TAF7L: variants seen among roughly 807,000 people sequenced by gnomAD.
The protein encoded by TAF7L is transcription initiation factor TFIID subunit 7-like.
Under a neutral mutation model 30.2 loss-of-function variants are expected in TAF7L, and 6 were observed. The ratio of observed to expected loss-of-function variants is 0.20; its 90% CI spans 0.11 to 0.39. The LOEUF is 0.39. Among genes scored for constraint, TAF7L ranks in the 10% least tolerant of loss-of-function variants. The pLI is 1.00. For missense variants in TAF7L, 284 were observed against 277.1 expected (o/e 1.03, Z -0.18); for synonymous variants, 93 against 94.5 (o/e 0.98, Z 0.09).
chrX:101,283,668 G>C, intron 3 of TAF7L, 85 bp from the exon 4 acceptor site: 3 of 1,013,022 alleles, frequency 3.0e-6, no homozygotes, highest in Non-Finnish European at 4.1e-6. Context: ...ACTTATGTGG[G>C]ACAGATTAGT....
intron 3 of TAF7L, among the ~76,000 whole-genome samples, chrX:101,284,899 C>T (rs1002687370): frequency 4.5e-5 from 5 of 110,737 alleles, no homozygotes; most frequent in Non-Finnish European, 7.5e-5. Context: ...TATTTATTTA[C>T]ACATGCTCTT....
chrX:101,269,215 A>G lies in TAF7L; in HGVS notation c.1109T>C (p.Leu370Ser), dbSNP rs1476318966. 5.0e-6 allele frequency: 6 copies of G among 1,209,794 alleles called. No homozygotes were observed. Among genetic ancestry groups the G allele is most frequent in the Non-Finnish European group, 6.7e-6 (6 of 894,196 alleles). ...NEKLISLQEQ[L>S]QRFLKK is the part of the protein sequence containing the mutation. ...TCCTCACTTCTTCAGAAAACGCTGC[A>G]ACTGTTCCTGTAGGGAAATGAGCTG... is the stretch of plus-strand genomic sequence containing the variant. Residue 370 changes from leucine (L) to serine (S), a missense_variant, in exon 13 of 13, where the codon TTG (leucine) becomes TCG (serine). By Grantham distance (145) the Leu-to-Ser change is moderately radical. Coordinates refer to ENST00000356784, the MANE Select transcript of TAF7L (RefSeq NM_001168474.2).
At position 101,268,402 on chromosome X, in the gene TAF7L, G is replaced by A. The variant is rs1923859244; in HGVS notation, c.*791C>T. ...GTTCTTCCTAACCTTAACTGATGAG[G>A]GTTAGGAGGAGAAGGCTCAGAATAA... On this transcript the variant is annotated 3_prime_UTR_variant, in exon 13 of 13. Coordinates refer to ENST00000356784, the MANE Select transcript of TAF7L (RefSeq NM_001168474.2). 2 of 111,999 alleles carry A rather than the reference G, an allele frequency of 1.8e-5. No individual in the cohort carries two copies. The highest frequency in any genetic ancestry group is 9.5e-5 in the Admixed American group (1 of 10,508). The allele number at this position is 111,999 out of a possible 1,213,427, so 9.2% of individuals were successfully genotyped here. A position where few individuals can be genotyped will look rare whatever the true frequency, so the allele number is the denominator to read the frequency against.
intron 5 of TAF7L, among the ~76,000 whole-genome samples, chrX:101,282,029 G>A (rs764039681): frequency 1.8e-5 from 2 of 109,382 alleles, no homozygotes; most frequent in East Asian, 2.9e-4. Flanking sequence ...GGGATTACAG[G>A]TGCCCGCCAC....
In TAF7L at chrX:101,277,689, T is replaced by A. The variant is rs200099995; in HGVS notation, c.608A>T (p.Lys203Met). ...RWEVIAEDGT[K>M]EIESQGSIPG... Reference sequence around the variant, plus strand: ...GATGGAGCCTTGACTTTCTATTTCCTTGGTTCCATCTTCAGCAATGACTTC... The same window carrying A: ...GATGGAGCCTTGACTTTCTATTTCCATGGTTCCATCTTCAGCAATGACTTC... The change falls in exon 9 of 13, where the codon AAG (lysine) becomes ATG (methionine). Residue 203 changes from lysine to methionine, a missense_variant. Physicochemically the swap from Lys to Met is moderately conservative, Grantham distance 95. Transcript: ENST00000356784. 8.3e-7 allele frequency: 1 copy of A among 1,204,273 alleles called. No individual in the cohort carries two copies. Among genetic ancestry groups the A allele is most frequent in the Non-Finnish European group, 1.1e-6 (1 of 892,455 alleles).
chrX:101,286,159 C>T (rs188947874), intron 3 of TAF7L, among the ~76,000 whole-genome samples: 228 of 95,764 alleles, frequency 2.4e-3, no homozygotes, highest in African/African-American at 8.2e-3. Flanking sequence ...CCAGCCTGGG[C>T]GACAGAGCGA....
intron 9 of TAF7L, among the ~76,000 whole-genome samples, chrX:101,276,997 G>A (rs1924212974): frequency 9.5e-6 from 1 of 105,210 alleles, no homozygotes; most frequent in South Asian, 4.3e-4. Flanking sequence ...AAAGAAAAAA[G>A]AAAAATTAGC....
chrX:101,280,143 CA>C (rs1303156455), intron 6 of TAF7L, among the ~76,000 whole-genome samples: 1 of 109,284 alleles, frequency 9.2e-6, no homozygotes, highest in African/African-American at 3.3e-5. Flanking sequence ...TCAAAAAAAT[CA>C]ATATATTGTA....
At chrX:101,292,435 G>A (rs1459823457), upstream of TAF7L, among the ~76,000 whole-genome samples, 2 of 41,563 alleles carry the variant, frequency 4.8e-5, no homozygotes, top group Non-Finnish European at 7.5e-5. Context: ...GCGAAACTCC[G>A]TCAAAAAAAA....
In TAF7L at chrX:101,272,930, A is replaced by G. The variant is rs142438620; in HGVS notation, c.1086+2292T>C. 7.3e-5 allele frequency among the ~76,000 whole-genome samples: 8 copies of G among 109,745 alleles called. 1 individual carries two copies. The highest frequency in any genetic ancestry group is 2.7e-4 in the African/African-American group (8 of 30,136). ...CCCGAGCAGCTGGGACTACAGGCAT[A>G]CACCACCATGCCTGGCTAATTTTTG... is the stretch of plus-strand genomic sequence containing the variant. On this transcript the variant is annotated intron_variant, in intron 12 of 12. Coordinates refer to ENST00000356784, the MANE Select transcript of TAF7L (RefSeq NM_001168474.2).
In TAF7L at chrX:101,277,151, C is replaced by CAAA. The variant is rs35984328; in HGVS notation, c.691+452_691+454dup. ...TGGGCGACAGAGCGAGACTCTGTCT[C>CAAA]AAAAAAAAAAAAAAAAAAAAAAAAA... On this transcript the variant is annotated intron_variant, in intron 9 of 12. Coordinates refer to ENST00000356784, the MANE Select transcript of TAF7L (RefSeq NM_001168474.2). 3.4e-3 allele frequency among the ~76,000 whole-genome samples: 54 copies of CAAA among 16,023 alleles called. 1 individual carries two copies. Among genetic ancestry groups the CAAA allele is most frequent in the African/African-American group, 0.014 (48 of 3,547 alleles). 13.9% of individuals were successfully genotyped at this position (16,023 alleles called of 115,157 possible).
upstream of TAF7L, chrX:101,291,480 G>C (rs911866485): frequency 6.6e-6 from 1 of 151,579 alleles, no homozygotes; most frequent in African/African-American, 3.1e-5. Context: ...GGGAAGGCTC[G>C]AAAGGCGCGG....
At chrX:101,277,451 C>CAAA (rs368056727) in intron 9 of TAF7L, among the ~76,000 whole-genome samples, 155 bp downstream of exon 9, 2 of 40,409 alleles carry the variant, frequency 4.9e-5, no homozygotes, top group African/African-American at 2.0e-4. Context: ...GACTCCATCT[C>CAAA]AAAAAAAAAA....
chrX:101,284,850 T>C (rs934298652), intron 3 of TAF7L, among the ~76,000 whole-genome samples: 2 of 111,276 alleles, frequency 1.8e-5, no homozygotes, highest in African/African-American at 6.5e-5. Context: ...GCAGATAAAC[T>C]TGTGTGGAAA....
chrX:101,291,496 C>G (rs1287438115), upstream of TAF7L, among the ~76,000 whole-genome samples: 1 of 111,054 alleles, frequency 9.0e-6, no homozygotes, highest in Non-Finnish European at 1.9e-5. Context: ...CGCGGAGCGC[C>G]GAGGGGAGCG....
chrX:101,282,969 C>G (rs1337640178), intron 4 of TAF7L, among the ~76,000 whole-genome samples: 1 of 110,217 alleles, frequency 9.1e-6, no homozygotes, highest in Non-Finnish European at 1.9e-5. Context: ...ACTATGTTGC[C>G]CAGGTTGGTC....
chrX:101,277,644 G>C lies in TAF7L; in HGVS notation c.653C>G (p.Ser218Trp). 8.3e-7 allele frequency: 1 copy of C among 1,203,127 alleles called. No individual in the cohort carries two copies. Among genetic ancestry groups the C allele is most frequent in the Non-Finnish European group, 1.1e-6 (1 of 892,458 alleles). ...QGSIPGFLIS[S>W]GMSSHKQGHT... ...ACCCTGCTTGTGGCTGCTCATTCCC[G>C]AGGATATCAAAAATCCTGGGATGGA... Residue 218 changes from serine (S) to tryptophan (W), a missense_variant, in exon 9 of 13, where the codon TCG (serine) becomes TGG (tryptophan). Coordinates refer to ENST00000356784, the MANE Select transcript of TAF7L (RefSeq NM_001168474.2).
rs1924158316 is a variant in TAF7L at position 101,276,023 on chromosome X, T to C, written c.1003A>G (p.Lys335Glu). The C allele has an allele frequency of 8.4e-7, 1 of 1,197,304 alleles. No homozygotes were observed. Among genetic ancestry groups the C allele is most frequent in the Admixed American group, 2.4e-5 (1 of 42,264 alleles). ...ACCTTGAGTGTCAGGTTTTCCACTTTCATGATGAGATCCTTCTGTCTTTGT... is the reference window on the plus strand; with the variant it reads ...ACCTTGAGTGTCAGGTTTTCCACTTCCATGATGAGATCCTTCTGTCTTTGT... ...KAQRQKDLIM[K>E]VENLTLKNHF... The change falls in exon 11 of 13, where the codon AAA (lysine) becomes GAA (glutamate). Residue 335 changes from lysine (K) to glutamate (E), a missense_variant. Transcript: ENST00000356784.
At chrX:101,292,247 A>AAT (rs1924841614), upstream of TAF7L, among the ~76,000 whole-genome samples, 1 of 36,831 alleles carries the variant, frequency 2.7e-5, no homozygotes, top group African/African-American at 3.9e-4. Context: ...TCAAAAAAAA[A>AAT]AAAATAAATA....
Sources: allele counts gnomAD v4.1 joint callset (sites outside exome capture counted in the v4.1 genomes callset), GRCh38; gene constraint gnomAD v4.1.1; transcripts MANE v1.5; gene names NCBI Gene and HGNC (gene_info 2026-07-23, HGNC 2026-07-21).